PRKCD: variants seen among roughly 807,000 people sequenced by gnomAD.
The protein encoded by PRKCD is protein kinase C delta type.
Under a neutral mutation model 82.2 loss-of-function variants are expected in PRKCD, and 20 were observed. That is an observed-to-expected ratio of 0.24 (90% CI 0.17 to 0.35). The LOEUF (loss-of-function observed/expected upper bound fraction) is 0.35. PRKCD is among the 10% of genes least tolerant of loss of function. PRKCD has a pLI of 1.00. For missense variants in PRKCD, 607 were observed against 899.0 expected (o/e 0.68, Z 4.15); for synonymous variants, 317 against 337.0 (o/e 0.94, Z 0.65).
Position 53,181,577 on chromosome 3 carries a change from C to G in PRKCD, c.510C>G (p.Thr170=). 6.2e-7 allele frequency: 1 copy of G among 1,614,250 alleles called. No individual in the cohort carries two copies. The highest frequency in any genetic ancestry group is 8.5e-7 in the Non-Finnish European group (1 of 1,180,042). The part of the protein sequence containing the change: ...EFIATFFGQP[T]FCSVCKDFVW... The stretch of plus-strand genomic sequence containing the variant: ...TCGCCACCTTCTTTGGGCAACCCAC[C>G]TTCTGTTCTGTGTGCAAAGACTTTG... The change falls in exon 6 of 19, where the codon ACC becomes ACG. Residue 170 remains threonine, a synonymous_variant. Transcript: ENST00000330452.
Position 53,181,282 on chromosome 3 carries a change from G to C in PRKCD, c.376+15G>C, listed in dbSNP as rs782500976. ...GGAGGACGTGGGTAAGAACTCCCTGGGGGTGGAGGGCTCCCTTGCCGGGTT... is the reference window on the plus strand; with the variant it reads ...GGAGGACGTGGGTAAGAACTCCCTGCGGGTGGAGGGCTCCCTTGCCGGGTT... On this transcript the variant is annotated intron_variant, in intron 5 of 18. Coordinates refer to ENST00000330452, the MANE Select transcript of PRKCD (RefSeq NM_006254.4). 13 of 1,613,328 alleles carry C rather than the reference G, an allele frequency of 8.1e-6. No homozygotes were observed. Among genetic ancestry groups the C allele is most frequent in the African/African-American group, 2.7e-5 (2 of 74,880 alleles).
At chr3:53,185,079 A>T in intron 10 of PRKCD, 105 bp downstream of exon 10, 1 of 997,124 alleles carries the variant, frequency 1.0e-6, no homozygotes, top group Non-Finnish European at 1.5e-6. Flanking sequence ...ATATATTTAG[A>T]CCCAGGACTC....
In PRKCD at chr3:53,182,124, A is replaced by C. The variant is rs1220465414; in HGVS notation, c.571+392A>C. 1.3e-5 allele frequency: 5 copies of C among 394,748 alleles called. No homozygotes were observed. In the East Asian group the frequency reaches 3.4e-4, roughly 27 times the overall value. 24.5% of individuals were successfully genotyped at this position (394,748 alleles called of 1,614,324 possible). A position where few individuals can be genotyped will look rare whatever the true frequency, so the allele number is the denominator to read the frequency against. On this transcript the variant is annotated intron_variant, in intron 7 of 18. Transcript: ENST00000330452. Reference sequence around the variant, plus strand: ...GGGTGTCTCTGAGTACACAGGTGTGAGCACACTCTGTCCCTGAGGGTGTAT... The same window carrying C: ...GGGTGTCTCTGAGTACACAGGTGTGCGCACACTCTGTCCCTGAGGGTGTAT...
chr3:53,173,000 T>G (rs1553665250), intron 2 of PRKCD, among the ~76,000 whole-genome samples: 1 of 152,172 alleles, frequency 6.6e-6, no homozygotes, highest in Non-Finnish European at 1.5e-5. Context: ...CTCTGTACAA[T>G]GAGGAGATGG....
intron 9 of PRKCD, among the ~76,000 whole-genome samples, chr3:53,184,363 A>T (rs1476729663): frequency 6.9e-6 from 1 of 144,472 alleles, no homozygotes; most frequent in East Asian, 2.1e-4. Flanking sequence ...AACAACAACA[A>T]CAACAAAAAT....
At chr3:53,162,560 C>T (rs1702706481) in intron 1 of PRKCD, among the ~76,000 whole-genome samples, 1 of 152,142 alleles carries the variant, frequency 6.6e-6, no homozygotes, top group Non-Finnish European at 1.5e-5. Context: ...TGGGACTTGC[C>T]TGTGCATGTG....
intron 11 of PRKCD, 40 bp downstream of exon 11, chr3:53,185,740 C>T (rs1283554166): frequency 6.3e-7 from 1 of 1,594,928 alleles, no homozygotes; most frequent in East Asian, 2.2e-5. Flanking sequence ...TTTTTATTCC[C>T]CCTGAGGCCA....
At chr3:53,171,392 T>G (rs1553664897) in intron 2 of PRKCD, among the ~76,000 whole-genome samples, 1 of 152,150 alleles carries the variant, frequency 6.6e-6, no homozygotes, top group Non-Finnish European at 1.5e-5. Context: ...CTCTGAACCT[T>G]CCAGACCCTC....
rs1236602245 is a variant in PRKCD at position 53,169,452 on chromosome 3, C to T, written c.-20+4237C>T. On this transcript the variant is annotated intron_variant, in intron 2 of 18. Transcript: ENST00000330452. This position sits in a 1 kb window ranked among gnomAD's most constrained non-coding sequence, Gnocchi z 4.7. ...CTGCCAAGGCACCCAGGAGGGCAGGCTTGTGGTGGCTGAGCCGCTGTTTTC... is the reference window on the plus strand; with the variant it reads ...CTGCCAAGGCACCCAGGAGGGCAGGTTTGTGGTGGCTGAGCCGCTGTTTTC... Among the ~76,000 whole-genome samples, 1 of 152,150 alleles carries T rather than the reference C, an allele frequency of 6.6e-6. No homozygotes were observed. Among genetic ancestry groups the T allele is most frequent in the Admixed American group, 6.5e-5 (1 of 15,280 alleles).
chr3:53,165,667 A>G (rs182315377), intron 2 of PRKCD, among the ~76,000 whole-genome samples: 153 of 152,256 alleles, frequency 1.0e-3, no homozygotes, highest in African/African-American at 3.4e-3. Context: ...AGGGGGATGG[A>G]ATGGGGTCTC....
chr3:53,178,451 A>C lies in PRKCD; in HGVS notation c.29A>C (p.Asn10Thr). The C allele has an allele frequency of 1.2e-6, 2 of 1,612,526 alleles. No homozygotes were observed. The highest frequency in any genetic ancestry group is 1.1e-5 in the South Asian group (1 of 91,022). Residue 10 changes from asparagine (N) to threonine (T), a missense_variant, in exon 3 of 19, where the codon AAC becomes ACC. Coordinates refer to ENST00000330452, the MANE Select transcript of PRKCD (RefSeq NM_006254.4). MAPFLRIAF[N>T]SYELGSLQAE... ...GCGCCGTTCCTGCGCATCGCCTTCA[A>C]CTCCTATGAGCTGGGCTCCCTGCAG...
At chr3:53,185,784 G>C in intron 11 of PRKCD, 84 bp downstream of exon 11, 1 of 1,532,124 alleles carries the variant, frequency 6.5e-7, no homozygotes, top group Non-Finnish European at 9.0e-7. Context: ...CCATTGTCAA[G>C]TGAGACATGG....
intron 2 of PRKCD, among the ~76,000 whole-genome samples, chr3:53,170,737 G>A (rs1268755542): frequency 6.6e-6 from 1 of 152,218 alleles, no homozygotes; most frequent in Non-Finnish European, 1.5e-5. Context: ...GGACTTCATG[G>A]TGCCAGACTC....
Position 53,183,474 on chromosome 3 carries a change from T to C in PRKCD, c.680T>C (p.Ile227Thr). The C allele has an allele frequency of 6.2e-7, 1 of 1,614,204 alleles. No individual in the cohort carries two copies. The highest frequency in any genetic ancestry group is 8.5e-7 in the Non-Finnish European group (1 of 1,180,036). ...CAGTTCCAGAAAGAACGCTTCAACA[T>C]CGACATGCCGCACCGCTTCAAGGTT... Reference protein sequence around the residue: ...DTIFQKERFNIDMPHRFKVHN... With the variant: ...DTIFQKERFNTDMPHRFKVHN... The change falls in exon 9 of 19, where the codon ATC becomes ACC. Residue 227 changes from isoleucine (I) to threonine (T), a missense_variant. By Grantham distance (89) the Ile-to-Thr change is moderately conservative (BLOSUM62 -1). This residue lies in a region of PRKCD where 109 missense variants were observed against 155.6 expected (regional missense o/e 0.70). Transcript: ENST00000330452.
At chr3:53,165,580 A>G (rs538309191) in intron 2 of PRKCD, among the ~76,000 whole-genome samples, 2 of 152,260 alleles carry the variant, frequency 1.3e-5, no homozygotes, top group South Asian at 2.1e-4. Flanking sequence ...ATGGCCCTGT[A>G]TCTGCCTCAA....
intron 2 of PRKCD, chr3:53,173,667 G>C (rs1420258094): frequency 6.6e-6 from 1 of 152,114 alleles, no homozygotes; most frequent in Non-Finnish European, 1.5e-5. Context: ...TTTTAGTAGA[G>C]AAGGGGTTTC....
chr3:53,162,017 G>A (rs1250345847), intron 1 of PRKCD, among the ~76,000 whole-genome samples: 5 of 151,712 alleles, frequency 3.3e-5, no homozygotes, highest in African/African-American at 9.7e-5. Flanking sequence ...CCCGCCCCTG[G>A]GTCCCTGGAG....
At chr3:53,181,294 T>C (rs1553667431) in intron 5 of PRKCD, 27 bp downstream of exon 5, 1 of 1,612,800 alleles carries the variant, frequency 6.2e-7, no homozygotes, top group Non-Finnish European at 8.5e-7. Context: ...GGTGGAGGGC[T>C]CCCTTGCCGG....
chr3:53,172,283 T>C (rs1378247381), intron 2 of PRKCD, among the ~76,000 whole-genome samples: 1 of 152,060 alleles, frequency 6.6e-6, no homozygotes, highest in Non-Finnish European at 1.5e-5. Context: ...TTGCCTTGTT[T>C]CCGCTGGGAA....
Sources: allele counts gnomAD v4.1 joint callset (sites outside exome capture counted in the v4.1 genomes callset), GRCh38; gene constraint gnomAD v4.1.1; regional missense constraint gnomAD v4.1.1; non-coding constraint Gnocchi (gnomAD v3.1); transcripts MANE v1.5; gene names NCBI Gene and HGNC (gene_info 2026-07-23, HGNC 2026-07-21).